Variants in GKAP1 observed in about 807,000 individuals in gnomAD.
GKAP1 encodes the protein G kinase-anchoring protein 1.
A neutral mutation model predicts 56.7 loss-of-function variants in GKAP1; 31 were observed. The ratio of observed to expected loss-of-function variants is 0.55; its 90% CI spans 0.41 to 0.74. The LOEUF is 0.74. Ranked by LOEUF, GKAP1 falls within the 30% of genes least tolerant of loss-of-function variation. The probability of loss-of-function intolerance (pLI) is 0.00; values close to 1 mark genes in which losing one functional copy is unlikely to be tolerated. For synonymous variants in GKAP1, 151 were observed against 138.6 expected (o/e 1.09, Z -0.63); for missense variants, 364 against 402.3 (o/e 0.90, Z 0.82).
chr9:83,775,205 C>A (rs1302414026), intron 7 of GKAP1, among the ~76,000 whole-genome samples: 1 of 152,032 alleles, frequency 6.6e-6, no homozygotes, highest in Admixed American at 6.6e-5. Context: ...TGGGATCACA[C>A]TATGTTGCCT....
chr9:83,793,633 A>G (rs1190614541), intron 4 of GKAP1, among the ~76,000 whole-genome samples: 1 of 152,240 alleles, frequency 6.6e-6, no homozygotes, highest in Non-Finnish European at 1.5e-5. Flanking sequence ...TCACAAAAGA[A>G]TTAAAAGTAG....
chr9:83,750,061 T>G (rs1048955734), intron 9 of GKAP1, among the ~76,000 whole-genome samples: 5 of 152,318 alleles, frequency 3.3e-5, no homozygotes, highest in African/African-American at 9.6e-5. Context: ...AAACTCTATC[T>G]CTGGCTCAAG....
Position 83,791,388 on chromosome 9 carries a change from G to A in GKAP1, c.361-2710C>T, listed in dbSNP as rs1037488126. On this transcript the variant is annotated intron_variant, in intron 4 of 12. Coordinates refer to ENST00000376371, the MANE Select transcript of GKAP1 (RefSeq NM_025211.4). ...ACTGCACCCTAGCCTGGGCGACAGA[G>A]CGAGACTCCGTCTCAAAAAAAAAAA... Among the ~76,000 whole-genome samples, 3 of 147,366 alleles carry A rather than the reference G, an allele frequency of 2.0e-5. No individual in the cohort carries two copies. In the East Asian group the frequency reaches 6.1e-4, roughly 30 times the overall value.
At chr9:83,756,489 A>G (rs1356997568) in intron 8 of GKAP1, among the ~76,000 whole-genome samples, 4 of 144,878 alleles carry the variant, frequency 2.8e-5, no homozygotes, top group Non-Finnish European at 3.0e-5. Flanking sequence ...AAAAAAAAAA[A>G]AAAGAAAACA....
At chr9:83,801,113 G>C (rs1944324647) in intron 3 of GKAP1, among the ~76,000 whole-genome samples, 1 of 152,080 alleles carries the variant, frequency 6.6e-6, no homozygotes, top group Admixed American at 6.6e-5. Flanking sequence ...AATTAGGTTG[G>C]GCCCTAATCC....
chr9:83,752,514 G>C (rs765396322), intron 9 of GKAP1, among the ~76,000 whole-genome samples: 4 of 152,148 alleles, frequency 2.6e-5, no homozygotes, highest in Non-Finnish European at 2.9e-5. Flanking sequence ...GAGGTACCTA[G>C]AATGGGCAAA....
intron 8 of GKAP1, among the ~76,000 whole-genome samples, chr9:83,764,136 C>T (rs757336501): frequency 2.6e-5 from 4 of 152,108 alleles, no homozygotes; most frequent in Non-Finnish European, 5.9e-5. Context: ...AGTGAATATG[C>T]TAACCATAAA....
intron 7 of GKAP1, among the ~76,000 whole-genome samples, chr9:83,772,683 T>C (rs991013414): frequency 6.6e-6 from 1 of 152,116 alleles, no homozygotes; most frequent in African/African-American, 2.4e-5. Flanking sequence ...AAGAAAGTAT[T>C]TGCAAATCAT....
intron 4 of GKAP1, among the ~76,000 whole-genome samples, chr9:83,791,572 T>A (rs1298394540): frequency 6.6e-6 from 1 of 152,238 alleles, no homozygotes; most frequent in East Asian, 1.9e-4. Flanking sequence ...TTTAAATTTT[T>A]GAAAACTAGA....
chr9:83,788,701 TAAAC>T (rs1564206233), intron 4 of GKAP1, 23 bp from the exon 5 acceptor site: 3 of 1,493,366 alleles, frequency 2.0e-6, no homozygotes, highest in South Asian at 2.3e-5. Flanking sequence ...AGTTTCACAA[TAAAC>T]AGACAGTATC....
chr9:83,774,702 C>T (rs13301583), intron 7 of GKAP1, among the ~76,000 whole-genome samples: 58,721 of 104,978 alleles, frequency 0.56, 17,604 homozygotes, highest in Admixed American at 0.66. Context: ...CAGAAACCCC[C>T]TTTTTTTTTT....
At chr9:83,779,706 C>T (rs1943939448) in intron 7 of GKAP1, among the ~76,000 whole-genome samples, 1 of 150,558 alleles carries the variant, frequency 6.6e-6, no homozygotes, top group Non-Finnish European at 1.5e-5. Context: ...CTAATAAGAA[C>T]ACATATATAA....
intron 8 of GKAP1, among the ~76,000 whole-genome samples, chr9:83,764,556 A>C (rs1342438491): frequency 5.3e-5 from 8 of 152,126 alleles, no homozygotes; most frequent in African/African-American, 1.9e-4. Flanking sequence ...ATACCTGAAA[A>C]TGTGGATATG....
intron 8 of GKAP1, among the ~76,000 whole-genome samples, chr9:83,753,601 T>C (rs1943429358): frequency 1.3e-5 from 2 of 152,218 alleles, no homozygotes; most frequent in Admixed American, 1.3e-4. Context: ...TCAAAGGATA[T>C]TTCTATCCTG....
intron 7 of GKAP1, among the ~76,000 whole-genome samples, chr9:83,776,854 A>C (rs191242894): frequency 6.6e-6 from 1 of 152,258 alleles, no homozygotes; most frequent in African/African-American, 2.4e-5. Flanking sequence ...ACTTTTCATA[A>C]TATAACTAGG....
intron 7 of GKAP1, among the ~76,000 whole-genome samples, chr9:83,776,993 C>G (rs770466793): frequency 6.6e-6 from 1 of 152,144 alleles, no homozygotes; most frequent in Non-Finnish European, 1.5e-5. Flanking sequence ...TGGGTTTGTT[C>G]CCTGGTTCCT....
At chr9:83,790,412 C>A (rs754818851) in intron 4 of GKAP1, among the ~76,000 whole-genome samples, 7 of 152,142 alleles carry the variant, frequency 4.6e-5, no homozygotes, top group Non-Finnish European at 5.9e-5. Context: ...CCATCAATTT[C>A]TCCACCTAAC....
intron 2 of GKAP1, among the ~76,000 whole-genome samples, chr9:83,813,496 C>G (rs1389559350): frequency 6.6e-6 from 1 of 152,106 alleles, no homozygotes; most frequent in African/African-American, 2.4e-5. Flanking sequence ...TGGTGCACAC[C>G]TGTAATTTCA....
chr9:83,761,632 A>G (rs556305020), intron 8 of GKAP1, among the ~76,000 whole-genome samples: 1 of 144,286 alleles, frequency 6.9e-6, no homozygotes, highest in African/African-American at 2.5e-5. Context: ...AGGGGCCAAT[A>G]TCTCTGATGA....
Sources: gnomAD v4.1 joint callset for allele counts (sites outside exome capture counted in the v4.1 genomes callset) on GRCh38, gnomAD v4.1.1 for gene constraint, MANE v1.5 for transcripts, NCBI Gene and HGNC (gene_info 2026-07-23, HGNC 2026-07-21) for gene names.